The following GASK1A variants were observed in gnomAD, a reference collection of about 807,000 sequenced individuals.
GASK1A encodes Golgi-associated kinase 1A.
In GASK1A, 40 loss-of-function variants were observed where a neutral mutation model predicts 41.2. That is an observed-to-expected ratio of 0.97 (90% CI 0.75 to 1.27). The LOEUF is 1.27. Among genes scored for constraint, GASK1A ranks in the 50% most tolerant of loss-of-function variants. The probability of loss-of-function intolerance (pLI) is 0.00; values close to 1 mark genes in which losing one functional copy is unlikely to be tolerated. For missense variants in GASK1A, 678 were observed against 745.1 expected (o/e 0.91, Z 1.05); for synonymous variants, 316 against 307.1 (o/e 1.03, Z -0.30).
chr3:43,026,632 G>GA (rs1335751778), intron 1 of GASK1A, among the ~76,000 whole-genome samples: 5 of 152,126 alleles, frequency 3.3e-5, no homozygotes, highest in Middle Eastern at 6.8e-3. Flanking sequence ...GGGAAAAGTG[G>GA]AAAATAACAG....
At chr3:42,989,146 G>A (rs1185685780) in intron 1 of GASK1A, among the ~76,000 whole-genome samples, 1 of 152,154 alleles carries the variant, frequency 6.6e-6, no homozygotes, top group African/African-American at 2.4e-5. Context: ...TGAATGAACT[G>A]CAGCCCAGGG....
chr3:43,056,061 C>T, intron 4 of GASK1A, 115 bp from the exon 5 acceptor site: 1 of 814,968 alleles, frequency 1.2e-6, no homozygotes, highest in South Asian at 1.8e-5. Flanking sequence ...GGTGACTTTA[C>T]CAGAGTTCCT....
chr3:43,044,324 G>A (rs1030541864), intron 2 of GASK1A, among the ~76,000 whole-genome samples: 1 of 152,186 alleles, frequency 6.6e-6, no homozygotes, highest in Non-Finnish European at 1.5e-5. Context: ...AGAGATGCTA[G>A]ACCCACATCA....
chr3:42,988,187 G>T (rs1389282105), intron 1 of GASK1A, among the ~76,000 whole-genome samples: 1 of 152,110 alleles, frequency 6.6e-6, no homozygotes, highest in Non-Finnish European at 1.5e-5. Flanking sequence ...GTGGGTAGGG[G>T]CTGTGGCTGC....
At chr3:43,053,445 T>G (rs917395266) in intron 2 of GASK1A, 76 bp from the exon 3 acceptor site, 4 of 1,453,470 alleles carry the variant, frequency 2.8e-6, no homozygotes, top group Non-Finnish European at 3.7e-6. Flanking sequence ...AAACAGCAGG[T>G]CAGGTGGCCT....
chr3:43,053,118 C>A (rs543116116), intron 2 of GASK1A, among the ~76,000 whole-genome samples: 4 of 152,302 alleles, frequency 2.6e-5, no homozygotes, highest in African/African-American at 9.6e-5. Context: ...GGACTTGCAC[C>A]TCTAAAGAAA....
At chr3:43,036,734 T>C (rs57758537) in intron 2 of GASK1A, among the ~76,000 whole-genome samples, 29,660 of 152,116 alleles carry the variant, frequency 0.19, 3,030 homozygotes, top group South Asian at 0.36. Context: ...ATGAACTGCC[T>C]GTGGGGAGAA....
At chr3:43,037,241 G>A (rs2089609016) in intron 2 of GASK1A, 1 of 1,059,698 alleles carries the variant, frequency 9.4e-7, no homozygotes, top group African/African-American at 1.6e-5. Flanking sequence ...ACAGGTCCCT[G>A]GCTGAAAATG....
In GASK1A at chr3:43,022,325, A is replaced by G. The variant is rs375939398; in HGVS notation, c.4-9942A>G. 1.1e-4 allele frequency among the ~76,000 whole-genome samples: 16 copies of G among 152,300 alleles called. No homozygotes were observed. The East Asian group carries it at 2.9e-3, about 28-fold the overall frequency. The stretch of plus-strand genomic sequence containing the variant: ...TGAACTTTTCTCTCTGCACAACTGC[A>G]CAACTGCCAACTTTCCCCAGGTTTT... On this transcript the variant is annotated intron_variant, in intron 1 of 4. Coordinates refer to ENST00000430121, the MANE Select transcript of GASK1A (RefSeq NM_001129908.3).
Position 42,998,945 on chromosome 3 carries a change from C to T in GASK1A, c.3+19300C>T, listed in dbSNP as rs528507481. 6.6e-5 allele frequency among the ~76,000 whole-genome samples: 10 copies of T among 151,884 alleles called. No individual in the cohort carries two copies. In the East Asian group the frequency reaches 9.7e-4, roughly 15 times the overall value. On this transcript the variant is annotated intron_variant, in intron 1 of 4. Coordinates refer to ENST00000430121, the MANE Select transcript of GASK1A (RefSeq NM_001129908.3). Reference sequence around the variant, plus strand: ...TCTTTGTTTCTTACTGCCACAACTACGTCATTTTATCTATTGGCTTTTGGA... The same window carrying T: ...TCTTTGTTTCTTACTGCCACAACTATGTCATTTTATCTATTGGCTTTTGGA...
intron 1 of GASK1A, among the ~76,000 whole-genome samples, chr3:42,985,098 C>T (rs1195469876): frequency 6.6e-6 from 1 of 152,066 alleles, no homozygotes; most frequent in Non-Finnish European, 1.5e-5. Flanking sequence ...GAGCTTCTAA[C>T]TGCATTTCTA....
chr3:43,029,222 A>C (rs1575446144), intron 1 of GASK1A, among the ~76,000 whole-genome samples: 1 of 151,942 alleles, frequency 6.6e-6, no homozygotes, highest in East Asian at 1.9e-4. Flanking sequence ...CAGAGCTGCA[A>C]GGGAGGCTTT....
chr3:43,025,313 G>T (rs2089541722), intron 1 of GASK1A, among the ~76,000 whole-genome samples: 2 of 152,200 alleles, frequency 1.3e-5, no homozygotes, highest in South Asian at 4.1e-4. Context: ...GTATGGGGCA[G>T]AGGAAAGGTG....
chr3:43,004,612 C>T (rs952590848), intron 1 of GASK1A, among the ~76,000 whole-genome samples: 1 of 152,070 alleles, frequency 6.6e-6, no homozygotes, highest in East Asian at 1.9e-4. Context: ...TCAGTTTTGA[C>T]CATTATTTAT....
chr3:43,050,209 G>T (rs772737154), intron 2 of GASK1A, among the ~76,000 whole-genome samples: 4 of 152,100 alleles, frequency 2.6e-5, no homozygotes, highest in Admixed American at 6.5e-5. Context: ...GAAGAAGCCT[G>T]CTGACAATAA....
In GASK1A at chr3:43,056,106, G is replaced by T. The variant is rs901519172; in HGVS notation, c.1518-70G>T. Reference sequence around the variant, plus strand: ...AAGCTCTGGCCATCTGGCATCACCTGTTACTGAAATTCTCTGAGATTACTG... The same window carrying T: ...AAGCTCTGGCCATCTGGCATCACCTTTTACTGAAATTCTCTGAGATTACTG... On this transcript the variant is annotated intron_variant, in intron 4 of 4. Transcript: ENST00000430121. The T allele has an allele frequency of 2.5e-5, 32 of 1,273,146 alleles. No individual in the cohort carries two copies. In the African/African-American group the frequency reaches 4.5e-4, roughly 18 times the overall value. 78.9% of individuals were successfully genotyped at this position (1,273,146 alleles called of 1,614,324 possible).
At chr3:43,007,771 A>G (rs1288357964) in intron 1 of GASK1A, among the ~76,000 whole-genome samples, 2 of 152,252 alleles carry the variant, frequency 1.3e-5, no homozygotes, top group Non-Finnish European at 2.9e-5. Context: ...AGAGAATAGC[A>G]GGTGCTTAGT....
intron 1 of GASK1A, among the ~76,000 whole-genome samples, chr3:43,019,457 C>A (rs980041815): frequency 3.9e-5 from 6 of 152,182 alleles, no homozygotes; most frequent in Non-Finnish European, 5.9e-5. Flanking sequence ...TCAAGGAAAG[C>A]AGGGTTGCCT....
chr3:43,040,629 T>C (rs2089631417), intron 2 of GASK1A, among the ~76,000 whole-genome samples: 1 of 152,222 alleles, frequency 6.6e-6, no homozygotes, highest in Admixed American at 6.5e-5. Context: ...AGCATTTTGA[T>C]GTTTTCTTCA....
Sources: gnomAD v4.1 joint callset for allele counts (sites outside exome capture counted in the v4.1 genomes callset) on GRCh38, gnomAD v4.1.1 for gene constraint, MANE v1.5 for transcripts, NCBI Gene and HGNC (gene_info 2026-07-23, HGNC 2026-07-21) for gene names.